Variants in ASAP1 observed in about 807,000 individuals in gnomAD.
ASAP1 encodes the protein ArfGAP with SH3 domain, ankyrin repeat and PH domain 1.
In ASAP1, 43 loss-of-function variants were observed where a neutral mutation model predicts 145.2. The ratio of observed to expected loss-of-function variants is 0.30; its 90% confidence interval spans 0.23 to 0.38. ASAP1 has a LOEUF of 0.38. Among genes scored for constraint, ASAP1 ranks in the 10% least tolerant of loss-of-function variants. The pLI, the probability that ASAP1 is intolerant of heterozygous loss-of-function variation, is 1.00. For missense variants in ASAP1, 1,018 were observed against 1,355.3 expected, an observed-to-expected ratio of 0.75 and a Z score of 3.91; for synonymous variants, 546 against 515.5, an observed-to-expected ratio of 1.06 and a Z score of -0.80.
chr8:130,180,729 T>G, intron 8 of ASAP1, 22 bp downstream of exon 8: 1 of 1,598,224 alleles, frequency 6.3e-7, no homozygotes, highest in Non-Finnish European at 8.5e-7. Flanking sequence ...TCTAGGCAAA[T>G]GGTGGAAAAG....
chr8:130,250,023 T>TA (rs975073801), intron 3 of ASAP1, among the ~76,000 whole-genome samples: 18 of 151,956 alleles, frequency 1.2e-4, no homozygotes, highest in Non-Finnish European at 1.9e-4. Context: ...AATTTTAATT[T>TA]AAAAAAAAGT....
chr8:130,383,373 A>C (rs924722187), intron 2 of ASAP1, among the ~76,000 whole-genome samples: 16 of 152,196 alleles, frequency 1.1e-4, no homozygotes, highest in Non-Finnish European at 1.9e-4. Context: ...ACAAGCCAGG[A>C]GTCTGTAAGC....
At chr8:130,404,480 C>T (rs1225960737) in intron 1 of ASAP1, among the ~76,000 whole-genome samples, 1 of 152,184 alleles carries the variant, frequency 6.6e-6, no homozygotes, top group Non-Finnish European at 1.5e-5. Flanking sequence ...CATGATCTTC[C>T]TATAATATTG....
At chr8:130,415,505 C>T (rs1829437777) in intron 1 of ASAP1, among the ~76,000 whole-genome samples, 1 of 151,968 alleles carries the variant, frequency 6.6e-6, no homozygotes, top group Non-Finnish European at 1.5e-5. Context: ...CAAAACAAAA[C>T]AGCCAGGTGT....
intron 2 of ASAP1, among the ~76,000 whole-genome samples, chr8:130,388,117 A>C (rs1828108903): frequency 6.6e-6 from 1 of 152,230 alleles, no homozygotes; most frequent in Non-Finnish European, 1.5e-5. Context: ...CAGGAGGTAC[A>C]GGGACAAGGC....
intron 4 of ASAP1, among the ~76,000 whole-genome samples, chr8:130,217,582 C>T (rs1002826270): frequency 4.7e-5 from 7 of 147,888 alleles, no homozygotes; most frequent in African/African-American, 1.5e-4. Context: ...ACCACCAGAC[C>T]GCAAGAGGCA....
intron 3 of ASAP1, among the ~76,000 whole-genome samples, chr8:130,283,587 G>GAAAAAAAAAAAAAAAAAA (rs71304303): frequency 1.1e-3 from 23 of 20,878 alleles, no homozygotes; most frequent in African/African-American, 3.8e-3. Flanking sequence ...ATCACAGAAA[G>GAAAAAAAAAAAAAAAAAA]AAAAAAAAAA....
At chr8:130,132,400 C>G (rs1005701771) in intron 15 of ASAP1, among the ~76,000 whole-genome samples, 6 of 150,356 alleles carry the variant, frequency 4.0e-5, no homozygotes. Flanking sequence ...CCCATAACAA[C>G]AAGTCATCAA....
chr8:130,370,888 G>C (rs552564221), intron 2 of ASAP1, among the ~76,000 whole-genome samples: 3 of 152,332 alleles, frequency 2.0e-5, no homozygotes, highest in Non-Finnish European at 2.9e-5. Flanking sequence ...CAGGGGCTGT[G>C]GGGGAAGTGG....
chr8:130,360,431 G>A (rs868020716), intron 2 of ASAP1, among the ~76,000 whole-genome samples: 1 of 152,210 alleles, frequency 6.6e-6, no homozygotes, highest in Non-Finnish European at 1.5e-5. Context: ...TTTGTGCACA[G>A]GAAAGCCATT....
intron 2 of ASAP1, among the ~76,000 whole-genome samples, chr8:130,392,208 G>C (rs1177193188): frequency 6.6e-6 from 1 of 152,206 alleles, no homozygotes; most frequent in Non-Finnish European, 1.5e-5. Context: ...CTAAGCATCT[G>C]TTTTTTAAAA....
intron 4 of ASAP1, among the ~76,000 whole-genome samples, chr8:130,227,730 A>C (rs1252045463): frequency 1.3e-5 from 2 of 151,608 alleles, no homozygotes; most frequent in Non-Finnish European, 2.9e-5. Context: ...AATGGTTCTG[A>C]TCTCAATGTC....
At chr8:130,368,808 G>A (rs1165136988) in intron 2 of ASAP1, among the ~76,000 whole-genome samples, 3 of 152,172 alleles carry the variant, frequency 2.0e-5, no homozygotes, top group Non-Finnish European at 4.4e-5. Flanking sequence ...TTGAACCACT[G>A]GATCCACAAA....
chr8:130,063,427 G>A (rs546048388), intron 27 of ASAP1, among the ~76,000 whole-genome samples: 29 of 152,112 alleles, frequency 1.9e-4, no homozygotes, highest in Non-Finnish European at 3.1e-4. Context: ...TCCTCTCTCC[G>A]CACTCCTGGC....
chr8:130,248,235 G>A (rs549886184), intron 3 of ASAP1, among the ~76,000 whole-genome samples: 2 of 152,080 alleles, frequency 1.3e-5, no homozygotes, highest in Admixed American at 6.5e-5. Flanking sequence ...GGGGTTGGAG[G>A]GGGGAGTGCG....
At position 130,159,855 on chromosome 8, in the gene ASAP1, C is replaced by G; in HGVS notation, c.1010+9G>C. On this transcript the variant is annotated intron_variant, in intron 12 of 29. Transcript: ENST00000518721. ...ACACACTGAGACACTGGGCTGGGCT[C>G]ATACATACCCGTCACTTTTCTTTAG... 6.2e-7 allele frequency: 1 copy of G among 1,606,234 alleles called. No individual in the cohort carries two copies. Among genetic ancestry groups the G allele is most frequent in the African/African-American group, 1.3e-5 (1 of 74,830 alleles).
At chr8:130,189,685 C>T (rs1203528677) in intron 5 of ASAP1, among the ~76,000 whole-genome samples, 1 of 152,120 alleles carries the variant, frequency 6.6e-6, no homozygotes, top group East Asian at 1.9e-4. Context: ...ACTGGGATTC[C>T]TGGATCTTAT....
intron 3 of ASAP1, among the ~76,000 whole-genome samples, chr8:130,248,932 T>C (rs528942901): frequency 6.6e-6 from 1 of 152,180 alleles, no homozygotes; most frequent in Non-Finnish European, 1.5e-5. Context: ...TCTTTTTTGT[T>C]GCTTTCTATT....
intron 3 of ASAP1, among the ~76,000 whole-genome samples, chr8:130,256,738 CTTATATATATATATATATATATAT>C (rs1391208654): frequency 7.2e-4 from 51 of 70,820 alleles, no homozygotes; most frequent in South Asian, 4.4e-3. Context: ...TATACACATT[CTTATATATATATATATATATATAT>C]ATATATATAT....
Sources: allele counts gnomAD v4.1 joint callset (sites outside exome capture counted in the v4.1 genomes callset), GRCh38; gene constraint gnomAD v4.1.1; transcripts MANE v1.5; gene names NCBI Gene and HGNC (gene_info 2026-07-23, HGNC 2026-07-21).